Variants in UNC5A observed in about 807,000 individuals in gnomAD.
UNC5A encodes the protein unc-5 netrin receptor A.
A neutral mutation model predicts 87.4 loss-of-function variants in UNC5A; 20 were observed. The observed-to-expected ratio is 0.23, with a 90% CI of 0.16 to 0.33. UNC5A has a LOEUF of 0.33. UNC5A is among the 10% of genes least tolerant of loss of function. The pLI is 1.00. For synonymous variants in UNC5A, 438 were observed against 482.3 expected (o/e 0.91, Z 1.20); for missense variants, 844 against 1,133.4 (o/e 0.74, Z 3.67).
At chr5:176,819,450 T>C (rs944716980) in intron 1 of UNC5A, among the ~76,000 whole-genome samples, 12 of 152,144 alleles carry the variant, frequency 7.9e-5, no homozygotes, top group African/African-American at 2.7e-4. Flanking sequence ...TCAGGCATGG[T>C]TGTATCCAGG....
chr5:176,815,360 G>A (rs1371259443), intron 1 of UNC5A, among the ~76,000 whole-genome samples: 1 of 152,176 alleles, frequency 6.6e-6, no homozygotes, highest in South Asian at 2.1e-4. Flanking sequence ...GGCATTGAAG[G>A]GTCCTCCTGC....
rs1176268940 is a variant in UNC5A at position 176,865,854 on chromosome 5, C to T, written c.293-2276C>T. On this transcript the variant is annotated intron_variant, in intron 2 of 14. Transcript: ENST00000329542. This position sits in a 1 kb window ranked among gnomAD's most constrained non-coding sequence, Gnocchi z 5.3. The stretch of plus-strand genomic sequence containing the variant: ...TGCCCTCATTCCTCACCCAGAAGGC[C>T]AGGGGGCAGGGACCAAGGCCTGAAG... 5.7e-6 allele frequency: 2 copies of T among 353,800 alleles called. No individual in the cohort carries two copies. The highest frequency in any genetic ancestry group is 4.3e-5 in the African/African-American group (2 of 46,604). The allele number at this position is 353,800 out of a possible 1,614,324, so 21.9% of individuals were successfully genotyped here.
In UNC5A at chr5:176,868,203, C is replaced by A; in HGVS notation, c.366C>A (p.Tyr122Ter). ...AGAAGGTGTTCGGGCTGGAGGAATACTGGTGCCAGTGCGTGGCATGGAGCT... is the reference window on the plus strand; with the variant it reads ...AGAAGGTGTTCGGGCTGGAGGAATAATGGTGCCAGTGCGTGGCATGGAGCT... ...QVEKVFGLEE[Y>*]WCQCVAWSSS... Residue 122 changes from tyrosine to a stop codon, truncating the protein, a stop_gained, in exon 3 of 15, where the codon TAC becomes TAA. Transcript: ENST00000329542. LOFTEE classifies it high-confidence loss of function. The A allele has an allele frequency of 6.2e-7, 1 of 1,613,720 alleles. No homozygotes were observed. Among genetic ancestry groups the A allele is most frequent in the Non-Finnish European group, 8.5e-7 (1 of 1,179,964 alleles).
rs1043439082 is a variant in UNC5A at position 176,838,024 on chromosome 5, C to T, written c.71-24600C>T. On this transcript the variant is annotated intron_variant, in intron 1 of 14. Coordinates refer to ENST00000329542, the MANE Select transcript of UNC5A (RefSeq NM_133369.3). The surrounding 1 kb of genome is among the most constrained non-coding windows in gnomAD (Gnocchi z 4.2). ...TGTTGTGCAAGAGTACACTACTGAA[C>T]GGAATAGTCAAAAACTTGCCCTTTG... is the stretch of plus-strand genomic sequence containing the variant. 6.6e-6 allele frequency among the ~76,000 whole-genome samples: 1 copy of T among 152,210 alleles called. No homozygotes were observed. Among genetic ancestry groups the T allele is most frequent in the South Asian group, 2.1e-4 (1 of 4,826 alleles).
At chr5:176,827,883 C>T (rs540815241) in intron 1 of UNC5A, among the ~76,000 whole-genome samples, 6 of 152,264 alleles carry the variant, frequency 3.9e-5, no homozygotes, top group Non-Finnish European at 8.8e-5. Flanking sequence ...TGAATCTGTG[C>T]GTGGCCACCA....
At chr5:176,812,060 C>A (rs1004079289) in intron 1 of UNC5A, among the ~76,000 whole-genome samples, 1 of 152,140 alleles carries the variant, frequency 6.6e-6, no homozygotes, top group Non-Finnish European at 1.5e-5. Context: ...GTACCCCTCT[C>A]TACTCCATCC....
At position 176,824,851 on chromosome 5, in the gene UNC5A, G is replaced by A. The variant is rs554251729; in HGVS notation, c.70+14031G>A. Among the ~76,000 whole-genome samples, 25 of 143,138 alleles carry A rather than the reference G, an allele frequency of 1.7e-4. No homozygotes were observed. The highest frequency in any genetic ancestry group is 5.5e-4 in the African/African-American group (21 of 38,092). The allele number at this position is 143,138 out of a possible 152,430, so 93.9% of individuals were successfully genotyped here. ...CTGTCCCAGGCACTCTCACCACTCC[G>A]TATCCCCCACCCCATGCACCCCCAG... On this transcript the variant is annotated intron_variant, in intron 1 of 14. Coordinates refer to ENST00000329542, the MANE Select transcript of UNC5A (RefSeq NM_133369.3). This position sits in a 1 kb window ranked among gnomAD's most constrained non-coding sequence, Gnocchi z 4.2.
intron 1 of UNC5A, among the ~76,000 whole-genome samples, chr5:176,858,757 A>AGGAAGGAAGGAT (rs1757732283): frequency 7.5e-6 from 1 of 132,748 alleles, no homozygotes; most frequent in African/African-American, 2.9e-5. Context: ...GAAGGAAGGA[A>AGGAAGGAAGGAT]GGAAGGAAGG....
chr5:176,863,866 T>TTCC (rs1757909029), intron 2 of UNC5A, among the ~76,000 whole-genome samples: 1 of 122,158 alleles, frequency 8.2e-6, no homozygotes, highest in Non-Finnish European at 1.7e-5. Flanking sequence ...TCTCCTACCT[T>TTCC]TCCTCCTCCT....
intron 1 of UNC5A, among the ~76,000 whole-genome samples, chr5:176,817,739 C>A (rs909901748): frequency 2.6e-5 from 4 of 152,006 alleles, no homozygotes; most frequent in Non-Finnish European, 5.9e-5. Flanking sequence ...TGCCGTGGAG[C>A]GCGGGTGCCC....
rs867493891 is a variant in UNC5A, at chr5:176,827,156, A to G, written c.70+16336A>G. On this transcript the variant is annotated intron_variant, in intron 1 of 14. Coordinates refer to ENST00000329542, the MANE Select transcript of UNC5A (RefSeq NM_133369.3). ...CAGGTTCATCCGTGTTGTAGCATGA[A>G]AGCATGCATCACTGCTTCATTCCTT... Among the ~76,000 whole-genome samples the G allele has an allele frequency of 6.0e-5, 9 of 150,970 alleles. No individual in the cohort carries two copies. The East Asian group carries it at 7.8e-4, about 13-fold the overall frequency.
chr5:176,853,710 A>C (rs1057472714), intron 1 of UNC5A, among the ~76,000 whole-genome samples: 1 of 152,186 alleles, frequency 6.6e-6, no homozygotes, highest in Admixed American at 6.5e-5. Context: ...GCACGCTCCT[A>C]GACAGGAGAC....
chr5:176,853,037 G>A (rs889484443), intron 1 of UNC5A, among the ~76,000 whole-genome samples: 2 of 152,240 alleles, frequency 1.3e-5, no homozygotes, highest in African/African-American at 4.8e-5. Context: ...CCAGGTCCTC[G>A]GTGACAGTGA....
intron 1 of UNC5A, among the ~76,000 whole-genome samples, chr5:176,853,108 C>T (rs1051325686): frequency 6.6e-6 from 1 of 152,168 alleles, no homozygotes; most frequent in Admixed American, 6.5e-5. Flanking sequence ...TCGGAGGCAG[C>T]GTGTGCGGGC....
At chr5:176,816,189 C>A (rs1448007768) in intron 1 of UNC5A, among the ~76,000 whole-genome samples, 1 of 152,258 alleles carries the variant, frequency 6.6e-6, no homozygotes, top group Non-Finnish European at 1.5e-5. Context: ...AGGAACTGCT[C>A]ACACCTGCCC....
At position 176,868,160 on chromosome 5, in the gene UNC5A, T is replaced by C; in HGVS notation, c.323T>C (p.Val108Ala). The C allele has an allele frequency of 6.2e-7, 1 of 1,613,340 alleles. No homozygotes were observed. The highest frequency in any genetic ancestry group is 8.5e-7 in the Non-Finnish European group (1 of 1,179,870). ...CCCACCATGGAGGTCCGCATTAATG[T>C]CTCAAGGCAGCAGGTCGAGAAGGTG... ...GLPTMEVRIN[V>A]SRQQVEKVFG... Residue 108 changes from valine to alanine, a missense_variant, in exon 3 of 15, where the codon GTC becomes GCC. Physicochemically the swap from Val to Ala is moderately conservative, Grantham distance 64 (BLOSUM62 0). Around this residue, in one of 3 missense-constraint regions of UNC5A, gnomAD observed 314 missense variants for 466.5 expected, o/e 0.67. Coordinates refer to ENST00000329542, the MANE Select transcript of UNC5A (RefSeq NM_133369.3).
chr5:176,852,115 A>G (rs759289080), intron 1 of UNC5A, among the ~76,000 whole-genome samples: 7 of 151,970 alleles, frequency 4.6e-5, no homozygotes, highest in Non-Finnish European at 1.0e-4. Context: ...GGAATTCTTT[A>G]TGTCTCTCTC....
intron 6 of UNC5A, among the ~76,000 whole-genome samples, chr5:176,872,924 A>G (rs374775088): frequency 6.4e-5 from 5 of 78,674 alleles, no homozygotes; most frequent in African/African-American, 5.5e-5. Context: ...GCCCACACTC[A>G]CCCAACACCA....
At chr5:176,828,741 A>G (rs918790449) in intron 1 of UNC5A, among the ~76,000 whole-genome samples, 5 of 152,142 alleles carry the variant, frequency 3.3e-5, no homozygotes, top group African/African-American at 1.2e-4. Flanking sequence ...GGCAGGGACT[A>G]TGGCCTGCTC....
Sources: gnomAD v4.1 joint callset for allele counts (sites outside exome capture counted in the v4.1 genomes callset) on GRCh38, gnomAD v4.1.1 for gene constraint, gnomAD v4.1.1 regional missense constraint, Gnocchi (gnomAD v3.1) non-coding constraint, MANE v1.5 for transcripts, NCBI Gene and HGNC (gene_info 2026-07-23, HGNC 2026-07-21) for gene names.